The following ABCB4 variants were observed in gnomAD, a reference collection of about 807,000 sequenced individuals.
ABCB4 encodes the protein phosphatidylcholine translocator ABCB4.
ABCB4 carries 76 observed loss-of-function variants against 145.7 expected under a neutral mutation model. The ratio of observed to expected loss-of-function variants is 0.52; its 90% CI spans 0.43 to 0.63. ABCB4 has a LOEUF of 0.63. Ranked by LOEUF, ABCB4 falls within the 30% of genes least tolerant of loss-of-function variation. ABCB4 has a pLI of 0.00. For missense variants in ABCB4, 1,234 were observed against 1,553.1 expected, an observed-to-expected ratio of 0.79 and a Z score of 3.45; for synonymous variants, 517 against 566.8, an observed-to-expected ratio of 0.91 and a Z score of 1.25.
At chr7:87,446,538 G>A (rs1212434113) in intron 9 of ABCB4, among the ~76,000 whole-genome samples, 1 of 151,960 alleles carries the variant, frequency 6.6e-6, no homozygotes, top group African/African-American at 2.4e-5. Flanking sequence ...TGTAAAATTA[G>A]TATATATTAT....
At chr7:87,431,801 G>T (rs1484594837) in intron 14 of ABCB4, among the ~76,000 whole-genome samples, 10 of 152,208 alleles carry the variant, frequency 6.6e-5, no homozygotes, top group Non-Finnish European at 1.3e-4. Context: ...GATTTCTCCA[G>T]AAACCTATGG....
the ABCB4 span, among the ~76,000 whole-genome samples, chr7:87,385,543 A>G: frequency 6.6e-6 from 1 of 152,134 alleles, no homozygotes; most frequent in African/African-American, 2.4e-5. Flanking sequence ...TTGATTTTAT[A>G]TCTTGCAACT....
chr7:87,470,211 C>A (rs1250852588), intron 3 of ABCB4, among the ~76,000 whole-genome samples: 3 of 152,062 alleles, frequency 2.0e-5, no homozygotes, highest in Admixed American at 6.6e-5. Context: ...CTTATACAAA[C>A]ATTAATTCAA....
At chr7:87,460,525 G>A (rs2116879957) in intron 4 of ABCB4, among the ~76,000 whole-genome samples, 1 of 152,194 alleles carries the variant, frequency 6.6e-6, no homozygotes, top group Non-Finnish European at 1.5e-5. Context: ...CCACTTATAA[G>A]TGAGAATATG....
At position 87,425,529 on chromosome 7, in the gene ABCB4, T is replaced by A. The variant is rs114681791; in HGVS notation, c.2064+1221A>T. ...AAAAACAGATGCAATAAATTATTGG[T>A]AGAATTAGTTTTCTCAGGCCAACAC... On this transcript the variant is annotated intron_variant, in intron 16 of 27. Coordinates refer to ENST00000649586, the MANE Select transcript of ABCB4 (RefSeq NM_000443.4). 9.3e-3 allele frequency among the ~76,000 whole-genome samples: 1,415 copies of A among 152,324 alleles called. 22 individuals carry two copies. The highest frequency in any genetic ancestry group is 0.031 in the African/African-American group (1,273 of 41,568).
chr7:87,436,257 GTGTAAGATTTTTAGCAAAAATCTC>G (rs1057036005), intron 14 of ABCB4, among the ~76,000 whole-genome samples: 1 of 151,856 alleles, frequency 6.6e-6, no homozygotes, highest in Non-Finnish European at 1.5e-5. Flanking sequence ...GAGTGTGTAG[GTGTAAGATTTTTAGCAAAAATCTC>G]TGAAAGATTT....
At chr7:87,452,747 A>G (rs897294345) in intron 6 of ABCB4, 197 bp downstream of exon 6, 1 of 650,034 alleles carries the variant, frequency 1.5e-6, no homozygotes, top group Non-Finnish European at 2.7e-6. Context: ...AAATAAACCT[A>G]CTATGCACCT....
rs372772393 is a variant in ABCB4 at position 87,443,958 on chromosome 7, A to C, written c.1120-185T>G. 4.6e-5 allele frequency among the ~76,000 whole-genome samples: 7 copies of C among 152,354 alleles called. No homozygotes were observed. The East Asian group carries it at 1.3e-3, about 29-fold the overall frequency. On this transcript the variant is annotated intron_variant, in intron 10 of 27. Coordinates refer to ENST00000649586, the MANE Select transcript of ABCB4 (RefSeq NM_000443.4). ...GCTGTTTAAAGAAATACTCCTTTTC[A>C]GAAAATAGTGTTTTCCTGAAAAGTA...
At chr7:87,459,864 C>T (rs1454602923) in intron 4 of ABCB4, among the ~76,000 whole-genome samples, 1 of 152,178 alleles carries the variant, frequency 6.6e-6, no homozygotes, top group Non-Finnish European at 1.5e-5. Flanking sequence ...GGTCTTATTC[C>T]ACAAAAATAT....
intron 7 of ABCB4, among the ~76,000 whole-genome samples, chr7:87,450,886 G>A (rs768326012): frequency 1.3e-5 from 2 of 152,136 alleles, no homozygotes; most frequent in African/African-American, 4.8e-5. Context: ...AATCATCAAC[G>A]TCAGGATGAG....
intron 14 of ABCB4, among the ~76,000 whole-genome samples, chr7:87,436,996 T>C (rs1320213242): frequency 1.3e-5 from 2 of 152,200 alleles, no homozygotes. Flanking sequence ...GCTATCACTG[T>C]ATGAACATTT....
the ABCB4 span, among the ~76,000 whole-genome samples, chr7:87,379,847 C>G: frequency 6.6e-6 from 1 of 152,162 alleles, no homozygotes; most frequent in Non-Finnish European, 1.5e-5. Flanking sequence ...AACATGGGAG[C>G]TCATGCCTAT....
At chr7:87,403,808 A>G (rs1288410137) in intron 26 of ABCB4, among the ~76,000 whole-genome samples, 1 of 152,250 alleles carries the variant, frequency 6.6e-6, no homozygotes, top group Non-Finnish European at 1.5e-5. Flanking sequence ...ACAGGACTGT[A>G]GTAGTATACA....
chr7:87,416,869 G>A (rs1394086271), intron 21 of ABCB4, among the ~76,000 whole-genome samples: 2 of 152,170 alleles, frequency 1.3e-5, no homozygotes, highest in Admixed American at 1.3e-4. Flanking sequence ...ACAAAATTGA[G>A]GCATTACTGC....
rs1810847254 is a variant in ABCB4 at position 87,439,759 on chromosome 7, G to T, written c.1639C>A (p.Leu547Met). Residue 547 changes from leucine to methionine, a missense_variant, in exon 14 of 28, where the codon CTG becomes ATG. Physicochemically the swap from Leu to Met is conservative, Grantham distance 15. Coordinates refer to ENST00000649586, the MANE Select transcript of ABCB4 (RefSeq NM_000443.4). ...AGAAGGATCTTGGGGTTGCGAACCA[G>T]GGCACGTGCAATGGCGATCCTCTGC... The part of the protein sequence containing the change: ...QKQRIAIARA[L>M]VRNPKILLLD... The T allele has an allele frequency of 6.2e-7, 1 of 1,614,150 alleles. No individual in the cohort carries two copies. The highest frequency in any genetic ancestry group is 8.5e-7 in the Non-Finnish European group (1 of 1,180,030).
At chr7:87,395,201 A>G in the ABCB4 span, among the ~76,000 whole-genome samples, 1 of 152,204 alleles carries the variant, frequency 6.6e-6, no homozygotes, top group Non-Finnish European at 1.5e-5. Context: ...TCCAACGTTC[A>G]AGGCCAGGAA....
the ABCB4 span, chr7:87,382,564 A>G: frequency 2.5e-6 from 4 of 1,602,046 alleles, no homozygotes; most frequent in South Asian, 2.3e-5. Context: ...TTCAGTTTCT[A>G]TTTTCACAGT....
intron 23 of ABCB4, among the ~76,000 whole-genome samples, 160 bp from the exon 24 acceptor site, chr7:87,409,552 A>G (rs1273209962): frequency 1.3e-5 from 2 of 152,182 alleles, no homozygotes; most frequent in African/African-American, 4.8e-5. Context: ...GTAACAAGAG[A>G]AATCTAGGAG....
At chr7:87,413,170 T>G (rs1179353591) in intron 22 of ABCB4, among the ~76,000 whole-genome samples, 1 of 152,248 alleles carries the variant, frequency 6.6e-6, no homozygotes, top group Non-Finnish European at 1.5e-5. Flanking sequence ...TGTTTCTTTA[T>G]CTTCAGAGTA....
Sources: allele counts gnomAD v4.1 joint callset (sites outside exome capture counted in the v4.1 genomes callset), GRCh38; gene constraint gnomAD v4.1.1; transcripts MANE v1.5; gene names NCBI Gene and HGNC (gene_info 2026-07-23, HGNC 2026-07-21).